CCSER1: variants seen among roughly 807,000 people sequenced by gnomAD.
CCSER1 encodes the protein serine-rich coiled-coil domain-containing protein 1.
CCSER1 carries 41 observed loss-of-function variants against 82.0 expected under a neutral mutation model. The ratio of observed to expected loss-of-function variants is 0.50; its 90% CI spans 0.39 to 0.65. CCSER1 has a LOEUF of 0.65. CCSER1 is among the 30% of genes least tolerant of loss of function. The pLI, the probability that CCSER1 is intolerant of heterozygous loss-of-function variation, is 0.00. For missense variants in CCSER1, 1,119 were observed against 1,064.2 expected (o/e 1.05, Z -0.72); for synonymous variants, 414 against 383.9 (o/e 1.08, Z -0.92).
At chr4:90,499,529 C>A (rs903534417) in intron 5 of CCSER1, among the ~76,000 whole-genome samples, 12 of 152,052 alleles carry the variant, frequency 7.9e-5, no homozygotes, top group Admixed American at 7.9e-4. Context: ...TCTGGACATG[C>A]CTTGTGATTA....
chr4:90,307,355 G>A lies in CCSER1; in HGVS notation c.-41-889G>A, dbSNP rs1393331597. Among the ~76,000 whole-genome samples, 5 of 151,966 alleles carry A rather than the reference G, an allele frequency of 3.3e-5. No homozygotes were observed. The East Asian group carries it at 9.7e-4, about 29-fold the overall frequency. On this transcript the variant is annotated intron_variant, in intron 1 of 10. Transcript: ENST00000509176. ...TCTCTCAAGGTTACCAACTGTCTTA[G>A]TTTTTACTCAAGTATTTTCTTCAAC... is the stretch of plus-strand genomic sequence containing the variant.
At chr4:91,369,661 CTTTTTTTT>C (rs573494038) in intron 10 of CCSER1, among the ~76,000 whole-genome samples, 1 of 73,464 alleles carries the variant, frequency 1.4e-5, no homozygotes. Context: ...TAATCTGTAG[CTTTTTTTT>C]TTTTTTTTTT....
At chr4:90,451,426 G>C (rs748273373) in intron 4 of CCSER1, among the ~76,000 whole-genome samples, 9 of 152,160 alleles carry the variant, frequency 5.9e-5, no homozygotes, top group Non-Finnish European at 1.2e-4. Context: ...TGACTGAGGG[G>C]ATTATTTTTG....
intron 10 of CCSER1, among the ~76,000 whole-genome samples, chr4:91,140,483 T>G (rs941841609): frequency 1.3e-5 from 2 of 152,126 alleles, no homozygotes; most frequent in African/African-American, 4.8e-5. Context: ...TTTTGGCTAT[T>G]AGAATATATT....
At chr4:91,581,159 A>C (rs535204024) in intron 10 of CCSER1, among the ~76,000 whole-genome samples, 5 of 151,862 alleles carry the variant, frequency 3.3e-5, no homozygotes, top group African/African-American at 9.6e-5. Context: ...ATTATATAGA[A>C]GTTAATTAGT....
rs139864502 is a variant in CCSER1 at position 90,569,285 on chromosome 4, A to G, written c.1725-58740A>G. 6.2e-4 allele frequency among the ~76,000 whole-genome samples: 95 copies of G among 152,268 alleles called. No homozygotes were observed. The East Asian group carries it at 0.017, about 27-fold the overall frequency. ...CATGGATAAGCAGAACCCAGAACAG[A>G]CTGGTGCAAGAGAGAAGGGAACCCA... On this transcript the variant is annotated intron_variant, in intron 5 of 10. Transcript: ENST00000509176.
intron 10 of CCSER1, among the ~76,000 whole-genome samples, chr4:91,164,522 T>A (rs1731814182): frequency 6.6e-6 from 1 of 152,238 alleles, no homozygotes; most frequent in East Asian, 1.9e-4. Context: ...TCCTGGAGAG[T>A]GTTTTTCAAC....
chr4:91,487,460 G>A (rs772868752), intron 10 of CCSER1, among the ~76,000 whole-genome samples: 5 of 152,108 alleles, frequency 3.3e-5, no homozygotes, highest in African/African-American at 9.7e-5. Context: ...AGAAAACTAA[G>A]TAATTTGTAT....
chr4:90,823,123 TAA>T (rs1759976889), intron 8 of CCSER1, among the ~76,000 whole-genome samples: 1 of 152,196 alleles, frequency 6.6e-6, no homozygotes, highest in Non-Finnish European at 1.5e-5. Flanking sequence ...GGCAAAAATT[TAA>T]AACATGTCGG....
intron 10 of CCSER1, among the ~76,000 whole-genome samples, chr4:91,325,466 A>G (rs1263063468): frequency 1.3e-5 from 2 of 152,184 alleles, no homozygotes; most frequent in Non-Finnish European, 2.9e-5. Context: ...AAGAGAAGGA[A>G]GGGAGAATGG....
chr4:90,274,641 A>G (rs1442631601), intron 1 of CCSER1, among the ~76,000 whole-genome samples: 2 of 152,244 alleles, frequency 1.3e-5, no homozygotes, highest in African/African-American at 4.8e-5. Flanking sequence ...GATCCAAAGT[A>G]TATTTTTTAT....
chr4:90,408,574 T>C (rs2153552064), intron 4 of CCSER1, among the ~76,000 whole-genome samples: 1 of 152,344 alleles, frequency 6.6e-6, no homozygotes, highest in Non-Finnish European at 1.5e-5. Context: ...CTGAGTGTCC[T>C]GACTGCTAGA....
intron 9 of CCSER1, among the ~76,000 whole-genome samples, chr4:90,980,139 C>T (rs563413460): frequency 6.6e-6 from 1 of 151,882 alleles, no homozygotes; most frequent in South Asian, 2.1e-4. Context: ...CATCAGAGAC[C>T]TTACTTAAAG....
At position 91,226,007 on chromosome 4, in the gene CCSER1, C is replaced by CT. The variant is rs767697089; in HGVS notation, c.2217+140020dup. 1.5e-4 allele frequency among the ~76,000 whole-genome samples: 22 copies of CT among 151,718 alleles called. No homozygotes were observed. The East Asian group carries it at 3.1e-3, about 21-fold the overall frequency. On this transcript the variant is annotated intron_variant, in intron 10 of 10. Coordinates refer to ENST00000509176, the MANE Select transcript of CCSER1 (RefSeq NM_001145065.2). ...CAAAAACATTAGCAGAATTAAATTC[C>CT]TTTTTTTAAAATTATACTTTAAGTT... is the stretch of plus-strand genomic sequence containing the variant.
At position 90,923,366 on chromosome 4, in the gene CCSER1, G is replaced by T. The variant is rs377347440; in HGVS notation, c.2095-4G>T. The T allele has an allele frequency of 3.9e-6, 6 of 1,549,696 alleles. No individual in the cohort carries two copies. Among genetic ancestry groups the T allele is most frequent in the African/African-American group, 1.4e-5 (1 of 73,028 alleles). ...TGTGTTGTTGCTGTTTTTTCATTTT[G>T]CAGGGAAAAGTCCGGCATTTACAGA... is the stretch of plus-strand genomic sequence containing the variant. On this transcript the variant is annotated splice_region_variant and splice_polypyrimidine_tract_variant and intron_variant, in intron 8 of 10. Coordinates refer to ENST00000509176, the MANE Select transcript of CCSER1 (RefSeq NM_001145065.2).
At chr4:90,668,962 TATAATATAATA>T (rs1198308236) in intron 6 of CCSER1, among the ~76,000 whole-genome samples, 2 of 152,032 alleles carry the variant, frequency 1.3e-5, no homozygotes, top group African/African-American at 4.8e-5. Context: ...TTGCACAAGG[TATAATATAATA>T]AGGGCCATAA....
chr4:91,559,669 T>C (rs944912333), intron 10 of CCSER1, among the ~76,000 whole-genome samples: 16 of 151,682 alleles, frequency 1.1e-4, no homozygotes, highest in African/African-American at 3.9e-4. Context: ...TTAATTGCCT[T>C]AAGAAAATTT....
chr4:90,662,636 TTAAC>T lies in CCSER1; in HGVS notation c.1932+34408_1932+34411del, dbSNP rs563241717. On this transcript the variant is annotated intron_variant, in intron 6 of 10. Coordinates refer to ENST00000509176, the MANE Select transcript of CCSER1 (RefSeq NM_001145065.2). ...GAAATCTTATACATTGTACAATATC[TTAAC>T]TAAATTTGATTTGCATTTTCATGTA... Among the ~76,000 whole-genome samples, 814 of 152,284 alleles carry T rather than the reference TTAAC, an allele frequency of 5.3e-3. 5 individuals carry two copies. The highest frequency in any genetic ancestry group is 6.6e-3 in the Non-Finnish European group (448 of 68,006).
chr4:90,911,305 G>C, intron 8 of CCSER1: 1 of 456,158 alleles, frequency 2.2e-6, no homozygotes, highest in South Asian at 1.5e-5. Context: ...GCTTGGCTGT[G>C]TTTCTTGAAG....
Sources: gnomAD v4.1 joint callset for allele counts (sites outside exome capture counted in the v4.1 genomes callset) on GRCh38, gnomAD v4.1.1 for gene constraint, MANE v1.5 for transcripts, NCBI Gene and HGNC (gene_info 2026-07-23, HGNC 2026-07-21) for gene names.